Variants in GRHL2 observed in about 807,000 individuals in gnomAD.
GRHL2 encodes grainyhead like transcription factor 2.
GRHL2 carries 21 observed loss-of-function variants against 83.8 expected under a neutral mutation model. The ratio of observed to expected loss-of-function variants is 0.25; its 90% confidence interval spans 0.18 to 0.36. GRHL2 has a LOEUF of 0.36. Among genes scored for constraint, GRHL2 ranks in the 10% least tolerant of loss-of-function variants. The pLI is 1.00. For synonymous variants in GRHL2, 280 were observed against 278.9 expected (o/e 1.00, Z -0.04); for missense variants, 623 against 781.8 (o/e 0.80, Z 2.42).
chr8:101,609,199 A>G (rs1434271621), intron 8 of GRHL2, among the ~76,000 whole-genome samples: 1 of 150,464 alleles, frequency 6.6e-6, no homozygotes, highest in Non-Finnish European at 1.5e-5. Flanking sequence ...GCAGAGAAGA[A>G]GAACAGGGAA....
intron 1 of GRHL2, among the ~76,000 whole-genome samples, chr8:101,505,591 A>C (rs1043928802): frequency 2.0e-5 from 3 of 151,586 alleles, no homozygotes; most frequent in East Asian, 1.9e-4. Context: ...AAAAAAAAAA[A>C]AAAAAACAGT....
rs1811956035 is a variant in GRHL2 at position 101,577,449 on chromosome 8, T to G, written c.933T>G (p.Asp311Glu). 1 of 1,614,022 alleles carries G rather than the reference T, an allele frequency of 6.2e-7. No individual in the cohort carries two copies. Among genetic ancestry groups the G allele is most frequent in the Non-Finnish European group, 8.5e-7 (1 of 1,179,962 alleles). Residue 311 changes from aspartate (D) to glutamate (E), a missense_variant, in exon 7 of 16, where the codon GAT becomes GAG. Physicochemically the swap from Asp to Glu is conservative, Grantham distance 45. Coordinates refer to ENST00000646743, the MANE Select transcript of GRHL2 (RefSeq NM_024915.4). ...TCTTCAGTGAAGACAAAAACAGAGATGAACAGCTCAAATACTGGAAATACT... is the reference window on the plus strand; with the variant it reads ...TCTTCAGTGAAGACAAAAACAGAGAGGAACAGCTCAAATACTGGAAATACT... ...MVVFSEDKNR[D>E]EQLKYWKYWH...
At chr8:101,585,687 A>T (rs1175107058) in intron 7 of GRHL2, among the ~76,000 whole-genome samples, 1 of 152,218 alleles carries the variant, frequency 6.6e-6, no homozygotes, top group Non-Finnish European at 1.5e-5. Context: ...TTTTCATCTC[A>T]ACCTTGATTA....
intron 4 of GRHL2, among the ~76,000 whole-genome samples, chr8:101,569,242 C>T (rs1811774870): frequency 6.6e-6 from 1 of 152,196 alleles, no homozygotes. Flanking sequence ...TGCAGCAAAG[C>T]ACATCCTATA....
At position 101,591,693 on chromosome 8, in the gene GRHL2, T is replaced by C. The variant is rs1302950004; in HGVS notation, c.1004-7364T>C. 6.6e-5 allele frequency among the ~76,000 whole-genome samples: 10 copies of C among 152,314 alleles called. No homozygotes were observed. The East Asian group carries it at 1.7e-3, about 26-fold the overall frequency. On this transcript the variant is annotated intron_variant, in intron 7 of 15. Transcript: ENST00000646743. ...AGCTATGTGATTTTCCACAAACAGCTGAACTTCGCTGTGGGAGGAAGATGC... is the reference window on the plus strand; with the variant it reads ...AGCTATGTGATTTTCCACAAACAGCCGAACTTCGCTGTGGGAGGAAGATGC...
At chr8:101,590,752 G>A (rs1421578289) in intron 7 of GRHL2, among the ~76,000 whole-genome samples, 1 of 151,988 alleles carries the variant, frequency 6.6e-6, no homozygotes, top group Non-Finnish European at 1.5e-5. Context: ...AAACTATGTC[G>A]AGCTCTCAGC....
chr8:101,564,845 G>A (rs911334200), intron 4 of GRHL2, among the ~76,000 whole-genome samples: 2 of 148,552 alleles, frequency 1.3e-5, no homozygotes, highest in African/African-American at 4.9e-5. Context: ...TTTAATGGAT[G>A]AATTTTAGCT....
chr8:101,552,894 T>C, intron 3 of GRHL2, 112 bp downstream of exon 3: 1 of 997,286 alleles, frequency 1.0e-6, no homozygotes. Context: ...CTTAGCATCA[T>C]CTATCTGTCT....
At chr8:101,576,862 A>G (rs1275850116) in intron 6 of GRHL2, among the ~76,000 whole-genome samples, 1 of 152,334 alleles carries the variant, frequency 6.6e-6, no homozygotes, top group African/African-American at 2.4e-5. Flanking sequence ...TTTTCAGTGT[A>G]TGAAATATCT....
intron 11 of GRHL2, chr8:101,636,650 A>G: frequency 3.7e-6 from 2 of 537,000 alleles, no homozygotes; most frequent in Non-Finnish European, 6.7e-6. Flanking sequence ...CAGATTTCCA[A>G]TTTTATTTTA....
chr8:101,602,260 CAGAA>C (rs1257889920), intron 8 of GRHL2, among the ~76,000 whole-genome samples: 5 of 152,184 alleles, frequency 3.3e-5, no homozygotes, highest in African/African-American at 7.2e-5. Context: ...TGATTGTTGA[CAGAA>C]AGGTTTTCAA....
Position 101,666,990 on chromosome 8 carries a change from C to T in GRHL2, c.*287C>T, listed in dbSNP as rs1814079509. On this transcript the variant is annotated 3_prime_UTR_variant, in exon 16 of 16. Transcript: ENST00000646743. ...TTCCTGGAGCCCAGGTCCAGGCCCG[C>T]CAGGACTCTGCAGGTCACTGCTAGC... 5 of 519,138 alleles carry T rather than the reference C, an allele frequency of 9.6e-6. No individual in the cohort carries two copies. Among genetic ancestry groups the T allele is most frequent in the African/African-American group, 5.8e-5 (3 of 52,106 alleles). 32.2% of individuals were successfully genotyped at this position (519,138 alleles called of 1,614,324 possible).
the GRHL2 span, among the ~76,000 whole-genome samples, chr8:101,675,889 C>G: frequency 6.6e-6 from 1 of 152,086 alleles, no homozygotes; most frequent in African/African-American, 2.4e-5. Flanking sequence ...AGAACAGAGC[C>G]CTCAGAAATA....
At chr8:101,634,235 T>C (rs1010404283) in intron 11 of GRHL2, among the ~76,000 whole-genome samples, 4 of 152,112 alleles carry the variant, frequency 2.6e-5, no homozygotes, top group Non-Finnish European at 5.9e-5. Flanking sequence ...AGGGGGTCAA[T>C]GAAGAAGCCT....
chr8:101,647,194 T>C (rs1392946277), intron 13 of GRHL2, among the ~76,000 whole-genome samples: 3 of 152,038 alleles, frequency 2.0e-5, no homozygotes, highest in Non-Finnish European at 4.4e-5. Flanking sequence ...AGAAACCCCC[T>C]CTCTACTAAA....
intron 8 of GRHL2, among the ~76,000 whole-genome samples, chr8:101,607,885 G>C (rs1313357721): frequency 6.6e-6 from 1 of 152,182 alleles, no homozygotes; most frequent in Non-Finnish European, 1.5e-5. Flanking sequence ...TATATAAAAG[G>C]AATAATCTTT....
chr8:101,639,150 T>C (rs115781486), intron 12 of GRHL2, among the ~76,000 whole-genome samples: 1 of 152,204 alleles, frequency 6.6e-6, no homozygotes, highest in African/African-American at 2.4e-5. Flanking sequence ...TGCAGTTAGA[T>C]GGCCATCGAC....
intron 1 of GRHL2, among the ~76,000 whole-genome samples, chr8:101,525,663 A>G (rs1269193219): frequency 6.6e-6 from 1 of 152,078 alleles, no homozygotes; most frequent in Non-Finnish European, 1.5e-5. Context: ...GCTTGAAATA[A>G]CATTTTTGAA....
intron 3 of GRHL2, 82 bp from the exon 4 acceptor site, chr8:101,558,337 G>T: frequency 3.4e-6 from 5 of 1,486,858 alleles, no homozygotes; most frequent in Non-Finnish European, 9.4e-7. Flanking sequence ...AATGATTATT[G>T]CCTGCATTGG....
Sources: gnomAD v4.1 joint callset for allele counts (sites outside exome capture counted in the v4.1 genomes callset) on GRCh38, gnomAD v4.1.1 for gene constraint, MANE v1.5 for transcripts, NCBI Gene and HGNC (gene_info 2026-07-23, HGNC 2026-07-21) for gene names.